The following UBE2B variants were observed in gnomAD, a reference collection of about 807,000 sequenced individuals.
The protein encoded by UBE2B is ubiquitin conjugating enzyme E2 B.
Under a neutral mutation model 24.6 loss-of-function variants are expected in UBE2B, and 11 were observed. The observed-to-expected ratio is 0.45, with a 90% CI of 0.28 to 0.74. UBE2B has a LOEUF of 0.74. Ranked by LOEUF, UBE2B falls within the 30% of genes least tolerant of loss-of-function variation. UBE2B has a pLI of 0.13. For missense variants in UBE2B, 78 were observed against 185.6 expected (o/e 0.42, Z 3.37); for synonymous variants, 68 against 62.4 (o/e 1.09, Z -0.42).
chr5:134,375,736 G>A (rs1216412247), intron 2 of UBE2B, among the ~76,000 whole-genome samples: 1 of 148,372 alleles, frequency 6.7e-6, no homozygotes, highest in African/African-American at 2.5e-5. Context: ...GGGGGCGGAG[G>A]CTGCAGTGAG....
chr5:134,383,984 C>T (rs967295822), intron 4 of UBE2B, among the ~76,000 whole-genome samples: 3 of 152,136 alleles, frequency 2.0e-5, no homozygotes, highest in East Asian at 1.9e-4. Flanking sequence ...CTTCACTAAA[C>T]GATGGCTAAT....
At chr5:134,383,261 T>A (rs1213234369) in intron 4 of UBE2B, among the ~76,000 whole-genome samples, 1 of 152,214 alleles carries the variant, frequency 6.6e-6, no homozygotes, top group Non-Finnish European at 1.5e-5. Flanking sequence ...TTGATAGTTT[T>A]CAGTTGTTTA....
intron 4 of UBE2B, among the ~76,000 whole-genome samples, chr5:134,387,964 G>A (rs1012558463): frequency 5.9e-5 from 9 of 151,914 alleles, no homozygotes; most frequent in South Asian, 2.1e-4. Flanking sequence ...CACCATGCCC[G>A]GCTAATTTTT....
chr5:134,391,813 A>G lies in UBE2B; in HGVS notation c.*1460A>G, dbSNP rs1275026523. 1 of 152,162 alleles carries G rather than the reference A, an allele frequency of 6.6e-6. No homozygotes were observed. Among genetic ancestry groups the G allele is most frequent in the Admixed American group, 6.5e-5 (1 of 15,268 alleles). The allele number at this position is 152,162 out of a possible 1,614,324, so 9.4% of individuals were successfully genotyped here. A position where few individuals can be genotyped will look rare whatever the true frequency, so the allele number is the denominator to read the frequency against. On this transcript the variant is annotated 3_prime_UTR_variant, in exon 6 of 6. Transcript: ENST00000265339. Reference sequence around the variant, plus strand: ...CTTTTCTCTACTTTAAATTTTTTAAAAAATTAGTTGGGCATAGTGGCACTT... The same window carrying G: ...CTTTTCTCTACTTTAAATTTTTTAAGAAATTAGTTGGGCATAGTGGCACTT...
chr5:134,386,657 A>G (rs916412405), intron 4 of UBE2B, among the ~76,000 whole-genome samples: 1 of 152,168 alleles, frequency 6.6e-6, no homozygotes, highest in African/African-American at 2.4e-5. Context: ...AAAAGAAAAT[A>G]AGATCATCCA....
At position 134,371,638 on chromosome 5, in the gene UBE2B, C is replaced by A. The variant is rs1202080312; in HGVS notation, c.43C>A (p.Arg15=). ...GAGGAGGCTCATGCGGGATTTCAAG[C>A]GGTAAGGGCCTTCACCTTCGCCTAG... ...ARRRLMRDFK[R]LQEDPPVGVS... Residue 15 remains arginine (R), a splice_region_variant and synonymous_variant, in exon 1 of 6, where the codon CGG becomes AGG. Coordinates refer to ENST00000265339, the MANE Select transcript of UBE2B (RefSeq NM_003337.4). 9.3e-6 allele frequency: 15 copies of A among 1,613,220 alleles called. No individual in the cohort carries two copies. Among genetic ancestry groups the A allele is most frequent in the Non-Finnish European group, 1.3e-5 (15 of 1,179,844 alleles).
intron 2 of UBE2B, 140 bp from the exon 3 acceptor site, chr5:134,376,529 T>TA (rs1718927919): frequency 1.2e-6 from 1 of 810,234 alleles, no homozygotes; most frequent in Admixed American, 2.1e-5. Context: ...GCTAAGGTGT[T>TA]ACTAAACTCT....
rs1338437704 is a variant in UBE2B at position 134,372,746 on chromosome 5, AT to A, written c.44+1110del. The stretch of plus-strand genomic sequence containing the variant: ...TAAGGCTTCTGTTCGTGGTGGCCTA[AT>A]TTGCTTGAGATTGACTAAAAACCAT... On this transcript the variant is annotated intron_variant, in intron 1 of 5. Transcript: ENST00000265339. Among the ~76,000 whole-genome samples, 5 of 152,102 alleles carry A rather than the reference AT, an allele frequency of 3.3e-5. No homozygotes were observed. The East Asian group carries it at 9.6e-4, about 29-fold the overall frequency.
At chr5:134,384,859 C>T (rs1209404428) in intron 4 of UBE2B, among the ~76,000 whole-genome samples, 1 of 149,600 alleles carries the variant, frequency 6.7e-6, no homozygotes, top group Admixed American at 6.8e-5. Flanking sequence ...TTAACCCTCC[C>T]CGCTTCAGTC....
At chr5:134,374,343 T>C (rs1758562104) in intron 1 of UBE2B, 40 bp from the exon 2 acceptor site, 3 of 1,548,910 alleles carry the variant, frequency 1.9e-6, no homozygotes, top group South Asian at 2.4e-5. Flanking sequence ...CTTAGTGGCC[T>C]TAATGTTCAA....
intron 4 of UBE2B, among the ~76,000 whole-genome samples, chr5:134,384,973 C>CTTTT (rs1299930965): frequency 6.6e-6 from 1 of 152,190 alleles, no homozygotes; most frequent in Non-Finnish European, 1.5e-5. Flanking sequence ...TGACTGACTT[C>CTTTT]TGTCACCCAG....
chr5:134,390,271 C>T lies in UBE2B; in HGVS notation c.377C>T (p.Ala126Val). ...PNPNSPANSQ[A>V]AQLYQENKRE... ...CCTAACAGTCCAGCCAATAGCCAGG[C>T]AGCACAGCTTTATCAGGAAAACAAA... Residue 126 changes from alanine (A) to valine (V), a missense_variant, in exon 6 of 6, where the codon GCA becomes GTA. By Grantham distance (64) the Ala-to-Val change is moderately conservative (BLOSUM62 0). Around this residue, in one of 2 missense-constraint regions of UBE2B, gnomAD observed 57 missense variants for 167.7 expected, o/e 0.34. Transcript: ENST00000265339. The surrounding 1 kb of genome is among the most constrained non-coding windows in gnomAD (Gnocchi z 4.6). The T allele has an allele frequency of 6.2e-7, 1 of 1,614,114 alleles. No homozygotes were observed. Among genetic ancestry groups the T allele is most frequent in the Non-Finnish European group, 8.5e-7 (1 of 1,180,006 alleles).
chr5:134,389,327 T>C (rs1758861528), intron 5 of UBE2B, among the ~76,000 whole-genome samples: 1 of 152,152 alleles, frequency 6.6e-6, no homozygotes, highest in Non-Finnish European at 1.5e-5. Flanking sequence ...GTTTTGTTGA[T>C]TAAAGGAAAT....
chr5:134,372,380 C>T (rs1355707253), intron 1 of UBE2B, among the ~76,000 whole-genome samples: 1 of 152,134 alleles, frequency 6.6e-6, no homozygotes, highest in African/African-American at 2.4e-5. Flanking sequence ...CCTGGGCCTC[C>T]TTTGGTAAAT....
At chr5:134,372,685 C>T (rs1758495966) in intron 1 of UBE2B, among the ~76,000 whole-genome samples, 1 of 152,114 alleles carries the variant, frequency 6.6e-6, no homozygotes. Flanking sequence ...CTTCTCTTAG[C>T]CATTTAAAGG....
intron 3 of UBE2B, among the ~76,000 whole-genome samples, chr5:134,379,602 T>G (rs1758670288): frequency 1.4e-5 from 2 of 140,720 alleles, no homozygotes; most frequent in South Asian, 2.2e-4. Context: ...GCTGAGATGG[T>G]GCCATTGCAC....
At chr5:134,374,548 CTG>C in intron 2 of UBE2B, 85 bp downstream of exon 2, 2 of 1,394,648 alleles carry the variant, frequency 1.4e-6, no homozygotes, top group Non-Finnish European at 9.9e-7. Flanking sequence ...GGAAAAGAAA[CTG>C]AGGTGGAATG....
At chr5:134,377,015 C>G (rs1000318037) in intron 3 of UBE2B, among the ~76,000 whole-genome samples, 5 of 152,078 alleles carry the variant, frequency 3.3e-5, no homozygotes, top group African/African-American at 1.2e-4. Flanking sequence ...GTAAATCATG[C>G]TTTTTTACTT....
intron 4 of UBE2B, 103 bp from the exon 5 acceptor site, chr5:134,388,222 C>A: frequency 3.2e-6 from 3 of 933,932 alleles, no homozygotes; most frequent in East Asian, 2.5e-5. Context: ...TAGTTATTAC[C>A]TAATATTTAA....
Sources: allele counts gnomAD v4.1 joint callset (sites outside exome capture counted in the v4.1 genomes callset), GRCh38; gene constraint gnomAD v4.1.1; regional missense constraint gnomAD v4.1.1; non-coding constraint Gnocchi (gnomAD v3.1); transcripts MANE v1.5; gene names NCBI Gene and HGNC (gene_info 2026-07-23, HGNC 2026-07-21).